LRP6: variants seen among roughly 807,000 people sequenced by gnomAD.
LRP6 encodes low-density lipoprotein receptor-related protein 6.
LRP6 carries 43 observed loss-of-function variants against 184.1 expected under a neutral mutation model. The ratio of observed to expected loss-of-function variants is 0.23; its 90% CI spans 0.18 to 0.30. The LOEUF (loss-of-function observed/expected upper bound fraction) is 0.30, where lower values mean the gene tolerates loss of function less well. Ranked by LOEUF, LRP6 falls within the 10% of genes least tolerant of loss-of-function variation. The pLI, the probability that LRP6 is intolerant of heterozygous loss-of-function variation, is 1.00. For synonymous variants in LRP6, 719 were observed against 684.9 expected (o/e 1.05, Z -0.78); for missense variants, 1,571 against 2,005.3 (o/e 0.78, Z 4.14).
intron 15 of LRP6, among the ~76,000 whole-genome samples, chr12:12,146,151 T>A (rs1249899263): frequency 1.3e-5 from 2 of 152,218 alleles, no homozygotes; most frequent in East Asian, 1.9e-4. Flanking sequence ...TGAAGGACTA[T>A]CACAAATAAT....
At chr12:12,240,280 G>T (rs1464922738) in intron 2 of LRP6, among the ~76,000 whole-genome samples, 1 of 152,010 alleles carries the variant, frequency 6.6e-6, no homozygotes, top group Non-Finnish European at 1.5e-5. Context: ...CATACAAAAA[G>T]AATCTTTTTA....
At position 12,121,081 on chromosome 12, in the gene LRP6, T is replaced by C. The variant is rs774567707; in HGVS notation, c.*45A>G. 6.6e-7 allele frequency: 1 copy of C among 1,521,104 alleles called. No individual in the cohort carries two copies. The highest frequency in any genetic ancestry group is 8.8e-7 in the Non-Finnish European group (1 of 1,130,866). The allele number at this position is 1,521,104 out of a possible 1,614,324, so 94.2% of individuals were successfully genotyped here. A position where few individuals can be genotyped will look rare whatever the true frequency, so the allele number is the denominator to read the frequency against. On this transcript the variant is annotated 3_prime_UTR_variant, in exon 23 of 23. Transcript: ENST00000261349. The stretch of plus-strand genomic sequence containing the variant: ...CCTCCAGATCTCAACCAAATTTATA[T>C]TTACATTTTTACGTTGGAGGCAGTC...
chr12:12,215,608 C>G (rs1864321981), intron 2 of LRP6, among the ~76,000 whole-genome samples: 1 of 151,800 alleles, frequency 6.6e-6, no homozygotes, highest in Non-Finnish European at 1.5e-5. Flanking sequence ...GCCTCGGCCT[C>G]CCAAAGTGCT....
chr12:12,145,944 T>C (rs1026014031), intron 15 of LRP6, among the ~76,000 whole-genome samples: 3 of 152,142 alleles, frequency 2.0e-5, no homozygotes, highest in Non-Finnish European at 4.4e-5. Context: ...AGTTCCCACA[T>C]TTCTTAACGG....
At chr12:12,126,340 A>G (rs1273039796) in intron 20 of LRP6, among the ~76,000 whole-genome samples, 2 of 152,180 alleles carry the variant, frequency 1.3e-5, no homozygotes, top group Non-Finnish European at 2.9e-5. Flanking sequence ...CATGGGCTCC[A>G]TAGTACTAGA....
intron 12 of LRP6, among the ~76,000 whole-genome samples, 160 bp downstream of exon 12, chr12:12,158,669 T>C (rs1253704455): frequency 6.6e-6 from 1 of 152,054 alleles, no homozygotes; most frequent in Non-Finnish European, 1.5e-5. Flanking sequence ...ATCAAACAAG[T>C]AATAAGTAAC....
rs142525268 is a variant in LRP6, at chr12:12,223,756, G to T, written c.450-20356C>A. Among the ~76,000 whole-genome samples, 4 of 152,244 alleles carry T rather than the reference G, an allele frequency of 2.6e-5. No homozygotes were observed. The East Asian group carries it at 5.8e-4, about 22-fold the overall frequency. On this transcript the variant is annotated intron_variant, in intron 2 of 22. Transcript: ENST00000261349. Reference sequence around the variant, plus strand: ...TTAAAGTGTACACTGTATATAGTAAGCTAAACATGGACTAAACGCTGATGT... The same window carrying T: ...TTAAAGTGTACACTGTATATAGTAATCTAAACATGGACTAAACGCTGATGT...
Position 12,181,026 on chromosome 12 carries a change from T to A in LRP6, c.1373+17A>T. ...CAGAAACACCACACAGAATTTACTA[T>A]CAGTAGAGCTTCTTACCCAACCATG... On this transcript the variant is annotated intron_variant, in intron 6 of 22. Transcript: ENST00000261349. 1 of 1,613,932 alleles carries A rather than the reference T, an allele frequency of 6.2e-7. No homozygotes were observed. Among genetic ancestry groups the A allele is most frequent in the East Asian group, 2.2e-5 (1 of 44,890 alleles).
At chr12:12,219,012 G>GC (rs1864419399) in intron 2 of LRP6, among the ~76,000 whole-genome samples, 1 of 152,012 alleles carries the variant, frequency 6.6e-6, no homozygotes, top group African/African-American at 2.4e-5. Flanking sequence ...GCCGAGGCGG[G>GC]TGATCACCTG....
intron 15 of LRP6, among the ~76,000 whole-genome samples, chr12:12,143,061 C>T (rs903850040): frequency 6.6e-6 from 1 of 152,090 alleles, no homozygotes; most frequent in Non-Finnish European, 1.5e-5. Context: ...TAGCATGGTC[C>T]TGTGGTACAA....
intron 1 of LRP6, among the ~76,000 whole-genome samples, chr12:12,261,282 T>TGGTGGCGGGCGC (rs1865609302): frequency 6.6e-6 from 1 of 150,864 alleles, no homozygotes; most frequent in Non-Finnish European, 1.5e-5. Flanking sequence ...TAATCGGGCG[T>TGGTGGCGGGCGC]GGTGGCGGGC....
chr12:12,265,236 T>A (rs1865726860), intron 1 of LRP6, among the ~76,000 whole-genome samples: 1 of 152,160 alleles, frequency 6.6e-6, no homozygotes, highest in African/African-American at 2.4e-5. Context: ...TTATGAAACC[T>A]CTCCAGTACG....
At chr12:12,150,183 G>A (rs1375538814) in intron 13 of LRP6, among the ~76,000 whole-genome samples, 1 of 152,104 alleles carries the variant, frequency 6.6e-6, no homozygotes, top group Non-Finnish European at 1.5e-5. Flanking sequence ...AAGCAAAGAA[G>A]TATCGATAGT....
chr12:12,234,721 C>A (rs1256391062), intron 2 of LRP6, among the ~76,000 whole-genome samples: 1 of 139,654 alleles, frequency 7.2e-6, no homozygotes, highest in East Asian at 2.0e-4. Context: ...AATCCAGCTA[C>A]TCAGGAGGCT....
chr12:12,207,759 T>C (rs1864105989), intron 2 of LRP6, among the ~76,000 whole-genome samples: 1 of 152,142 alleles, frequency 6.6e-6, no homozygotes, highest in African/African-American at 2.4e-5. Flanking sequence ...CAAGCTAGTC[T>C]CTGGCTGAAC....
intron 4 of LRP6, 109 bp from the exon 5 acceptor site, chr12:12,184,220 T>C (rs1565615376): frequency 1.2e-6 from 1 of 860,402 alleles, no homozygotes. Context: ...CCAAATGTCA[T>C]GCAGGTGCTT....
At position 12,124,623 on chromosome 12, in the gene LRP6, G is replaced by A. The variant is rs1949648298; in HGVS notation, c.4489C>T (p.His1497Tyr). 1.2e-6 allele frequency: 2 copies of A among 1,613,680 alleles called. No individual in the cohort carries two copies. Among genetic ancestry groups the A allele is most frequent in the Non-Finnish European group, 1.7e-6 (2 of 1,179,770 alleles). The change falls in exon 22 of 23, where the codon CAT becomes TAT. Residue 1497 changes from histidine to tyrosine, a missense_variant. Physicochemically the swap from His to Tyr is moderately conservative, Grantham distance 83 (BLOSUM62 2). This residue lies in a region of LRP6 where 763 missense variants were observed against 859.5 expected (regional missense o/e 0.89). Coordinates refer to ENST00000261349, the MANE Select transcript of LRP6 (RefSeq NM_002336.3). ...GAATATCCAAATTCCATAGTGTAAT[G>A]TGATCGCTCTGTGGCTGGGGATGGT... ...PPPSPATERS[H>Y]YTMEFGYSSN...
chr12:12,171,558 A>G (rs900747053), intron 7 of LRP6, among the ~76,000 whole-genome samples: 1 of 148,308 alleles, frequency 6.7e-6, no homozygotes, highest in Non-Finnish European at 1.5e-5. Flanking sequence ...TAAATAAATA[A>G]ATAAATAAAT....
At chr12:12,208,542 A>G (rs528289822) in intron 2 of LRP6, among the ~76,000 whole-genome samples, 2 of 152,334 alleles carry the variant, frequency 1.3e-5, no homozygotes, top group African/African-American at 4.8e-5. Context: ...AGGTTTTGTT[A>G]TATACTATAG....
Sources: allele counts gnomAD v4.1 joint callset (sites outside exome capture counted in the v4.1 genomes callset), GRCh38; gene constraint gnomAD v4.1.1; regional missense constraint gnomAD v4.1.1; transcripts MANE v1.5; gene names NCBI Gene and HGNC (gene_info 2026-07-23, HGNC 2026-07-21).